The following STX1A variants were observed in gnomAD, a reference collection of about 807,000 sequenced individuals.
STX1A encodes syntaxin 1A, also known as syntaxin-1A.
In STX1A, 4 loss-of-function variants were observed where a neutral mutation model predicts 37.8. The observed-to-expected ratio is 0.11, with a 90% CI of 0.05 to 0.24. The LOEUF is 0.24. Ranked by LOEUF, STX1A falls within the 10% of genes least tolerant of loss-of-function variation. The pLI, the probability that STX1A is intolerant of heterozygous loss-of-function variation, is 1.00. For missense variants in STX1A, 251 were observed against 399.9 expected (o/e 0.63, Z 3.18); for synonymous variants, 135 against 147.4 (o/e 0.92, Z 0.61).
intron 1 of STX1A, among the ~76,000 whole-genome samples, chr7:73,718,962 C>CG (rs1491420537): frequency 1.2e-3 from 46 of 38,328 alleles, no homozygotes; most frequent in African/African-American, 4.9e-3. Flanking sequence ...GGGTGTGACG[C>CG]CCCCCCCCCC....
rs1799007455 is a variant in STX1A at position 73,709,329 on chromosome 7, T to G, written c.31-207A>C. On this transcript the variant is annotated intron_variant, in intron 1 of 9. Transcript: ENST00000222812. The surrounding 1 kb of genome is among the most constrained non-coding windows in gnomAD (Gnocchi z 4.2). ...GGGGCCCGGCACAGAGAGAGGAACCTTGCCTGATACACTGGTGTCAAGGCC... is the reference window on the plus strand; with the variant it reads ...GGGGCCCGGCACAGAGAGAGGAACCGTGCCTGATACACTGGTGTCAAGGCC... Among the ~76,000 whole-genome samples, 2 of 152,070 alleles carry G rather than the reference T, an allele frequency of 1.3e-5. No individual in the cohort carries two copies. The highest frequency in any genetic ancestry group is 4.1e-4 in the South Asian group (2 of 4,834).
rs376015107 is a variant in STX1A, at chr7:73,704,283, G to A, written c.358-27C>T. The A allele has an allele frequency of 1.6e-4, 254 of 1,613,902 alleles. 2 individuals carry two copies. In the African/African-American group the frequency reaches 2.6e-3, roughly 16 times the overall value. ...TGGGGGCCCGAGATGGAGGTGCAGG[G>A]GTCAGGCCCTGCGGGGACCGACCCA... On this transcript the variant is annotated intron_variant, in intron 5 of 9. Transcript: ENST00000222812.
rs1798760574 is a variant in STX1A, at chr7:73,703,852, G to GCA, written c.467-25_467-24insTG. The GCA allele has an allele frequency of 8.7e-6, 14 of 1,610,232 alleles. No homozygotes were observed. The Admixed American group carries it at 1.2e-4, about 13-fold the overall frequency. ...GGCTGCAAGCGAGTGGGGTCACACT[G>GCA]AGCCCAGCCCTCTTCGGGGAGTTCA... On this transcript the variant is annotated intron_variant, in intron 6 of 9. Coordinates refer to ENST00000222812, the MANE Select transcript of STX1A (RefSeq NM_004603.4).
intron 1 of STX1A, among the ~76,000 whole-genome samples, chr7:73,718,698 T>A (rs1799380048): frequency 6.6e-6 from 1 of 151,716 alleles, no homozygotes; most frequent in African/African-American, 2.4e-5. Context: ...GGGCTCCTCA[T>A]CCCTAAGGGC....
intron 2 of STX1A, 48 bp from the exon 3 acceptor site, chr7:73,708,736 C>G (rs577989207): frequency 6.3e-6 from 10 of 1,583,194 alleles, no homozygotes; most frequent in East Asian, 4.6e-5. Context: ...AGGGGAGAAG[C>G]CTTCTGGGGC....
At chr7:73,703,021 C>T in intron 7 of STX1A, 39 bp from the exon 8 acceptor site, 2 of 1,362,996 alleles carry the variant, frequency 1.5e-6, no homozygotes, top group East Asian at 2.9e-5. Flanking sequence ...CAGAGGCTTG[C>T]TGAGGGGCAG....
chr7:73,704,864 C>A, intron 4 of STX1A: 1 of 552,336 alleles, frequency 1.8e-6, no homozygotes. Context: ...CCAGGAAGTA[C>A]TGGCCACTTC....
intron 8 of STX1A, among the ~76,000 whole-genome samples, chr7:73,701,694 G>A (rs551146753): frequency 3.4e-4 from 52 of 152,206 alleles, no homozygotes; most frequent in African/African-American, 1.1e-3. Context: ...CTTCACTGGC[G>A]TCCACGTCAC....
chr7:73,708,298 A>T (rs1038211357), intron 3 of STX1A, among the ~76,000 whole-genome samples: 13 of 151,580 alleles, frequency 8.6e-5, no homozygotes, highest in African/African-American at 2.4e-4. Flanking sequence ...AAGAAAAAAA[A>T]GGCCAGTTCA....
At chr7:73,710,174 ACT>A (rs1799047196) in intron 1 of STX1A, among the ~76,000 whole-genome samples, 1 of 152,158 alleles carries the variant, frequency 6.6e-6, no homozygotes, top group African/African-American at 2.4e-5. Flanking sequence ...GCCCCACTCC[ACT>A]GTCCCAGGAC....
Position 73,705,387 on chromosome 7 carries a change from T to G in STX1A, c.209-163A>C. Reference sequence around the variant, plus strand: ...CTGCCTGCCCGCCCCCCTCCCCCAATTCTGGGCCAGGGCTGCACCAGCTGC... The same window carrying G: ...CTGCCTGCCCGCCCCCCTCCCCCAAGTCTGGGCCAGGGCTGCACCAGCTGC... On this transcript the variant is annotated intron_variant, in intron 3 of 9. Transcript: ENST00000222812. This position sits in a 1 kb window ranked among gnomAD's most constrained non-coding sequence, Gnocchi z 5.2. 2 of 615,698 alleles carry G rather than the reference T, an allele frequency of 3.2e-6. No homozygotes were observed. The highest frequency in any genetic ancestry group is 5.8e-6 in the Non-Finnish European group (2 of 347,152). The allele number at this position is 615,698 out of a possible 1,614,324, so 38.1% of individuals were successfully genotyped here.
rs1584250601 is a variant in STX1A, at chr7:73,708,981, G to A, written c.108+64C>T. The A allele has an allele frequency of 2.5e-6, 4 of 1,576,268 alleles. No homozygotes were observed. The East Asian group carries it at 9.0e-5, about 35-fold the overall frequency. Reference sequence around the variant, plus strand: ...GTGAAAGAGCACTGAACCTGGCTCAGAGGCGAGAGTGGCCCCCCAAGTTCT... The same window carrying A: ...GTGAAAGAGCACTGAACCTGGCTCAAAGGCGAGAGTGGCCCCCCAAGTTCT... On this transcript the variant is annotated intron_variant, in intron 2 of 9. Coordinates refer to ENST00000222812, the MANE Select transcript of STX1A (RefSeq NM_004603.4).
At position 73,702,629 on chromosome 7, in the gene STX1A, G is replaced by A. The variant is rs1251039777; in HGVS notation, c.678+216C>T. ...GGGGTATAGAGGGTGGGGCCATGCA[G>A]GGCCTGGGGTCCTTGAAGCTCAAGC... On this transcript the variant is annotated intron_variant, in intron 8 of 9. Transcript: ENST00000222812. The surrounding 1 kb of genome is among the most constrained non-coding windows in gnomAD (Gnocchi z 4.7). 3 of 1,405,846 alleles carry A rather than the reference G, an allele frequency of 2.1e-6. No individual in the cohort carries two copies. The African/African-American group carries it at 4.3e-5, about 20-fold the overall frequency. The allele number at this position is 1,405,846 out of a possible 1,614,324, so 87.1% of individuals were successfully genotyped here.
Position 73,708,734 on chromosome 7 carries a change from A to C in STX1A, c.109-46T>G, listed in dbSNP as rs1554617478. 3 of 1,587,700 alleles carry C rather than the reference A, an allele frequency of 1.9e-6. No individual in the cohort carries two copies. In the East Asian group the frequency reaches 6.8e-5, roughly 36 times the overall value. On this transcript the variant is annotated intron_variant, in intron 2 of 9. Coordinates refer to ENST00000222812, the MANE Select transcript of STX1A (RefSeq NM_004603.4). ...GTCAGGAGAAGGAAATCAGGGGAGAAGCCTTCTGGGGCCCAGAGATGGCCC... is the reference window on the plus strand; with the variant it reads ...GTCAGGAGAAGGAAATCAGGGGAGACGCCTTCTGGGGCCCAGAGATGGCCC...
rs1554616478 is a variant in STX1A at position 73,704,355 on chromosome 7, T to A, written c.352A>T (p.Thr118Ser). ...RSSADLRIRK[T>S]QHSTLSRKFV... ...CCTAGACTCCGTGGCCGCACCTGTG[T>A]CTTCCGGATCCTCAGGTCAGCGGAG... Residue 118 changes from threonine to serine, a missense_variant, in exon 5 of 10, where the codon ACA becomes TCA. Transcript: ENST00000222812. 1.2e-6 allele frequency: 2 copies of A among 1,614,160 alleles called. No individual in the cohort carries two copies. Among genetic ancestry groups the A allele is most frequent in the Non-Finnish European group, 1.7e-6 (2 of 1,180,022 alleles).
At position 73,705,140 on chromosome 7, in the gene STX1A, C is replaced by T; in HGVS notation, c.283+10G>A. 6.2e-7 allele frequency: 1 copy of T among 1,613,716 alleles called. No individual in the cohort carries two copies. The highest frequency in any genetic ancestry group is 8.5e-7 in the Non-Finnish European group (1 of 1,179,724). ...TGCCCCCCACCCACCCCCAGACAAG[C>T]CTGACTCACTCTTTAACTTGGAACG... On this transcript the variant is annotated intron_variant, in intron 4 of 9. Transcript: ENST00000222812. The surrounding 1 kb of genome is among the most constrained non-coding windows in gnomAD (Gnocchi z 5.2).
At position 73,709,231 on chromosome 7, in the gene STX1A, G is replaced by A; in HGVS notation, c.31-109C>T. ...GCCCTGCCCCTCCCCCTCTCCCTGG[G>A]GGCCTCTGGGCAGGGACAAGAACAG... On this transcript the variant is annotated intron_variant, in intron 1 of 9. Transcript: ENST00000222812. The surrounding 1 kb of genome is among the most constrained non-coding windows in gnomAD (Gnocchi z 4.2). The A allele has an allele frequency of 1.8e-6, 2 of 1,113,286 alleles. No homozygotes were observed. Among genetic ancestry groups the A allele is most frequent in the Non-Finnish European group, 2.6e-6 (2 of 757,686 alleles). 69.0% of individuals were successfully genotyped at this position (1,113,286 alleles called of 1,614,324 possible).
At position 73,702,815 on chromosome 7, in the gene STX1A, G is replaced by C. The variant is rs1798710232; in HGVS notation, c.678+30C>G. Reference sequence around the variant, plus strand: ...CAGCCCTGGGTGCTGGTGTGGGCTGGAGTGGAGGGCAGGGGGGCCCGGCAC... The same window carrying C: ...CAGCCCTGGGTGCTGGTGTGGGCTGCAGTGGAGGGCAGGGGGGCCCGGCAC... On this transcript the variant is annotated intron_variant, in intron 8 of 9. Transcript: ENST00000222812. The surrounding 1 kb of genome is among the most constrained non-coding windows in gnomAD (Gnocchi z 4.7). 1.2e-6 allele frequency: 2 copies of C among 1,613,718 alleles called. No individual in the cohort carries two copies. The highest frequency in any genetic ancestry group is 1.7e-6 in the Non-Finnish European group (2 of 1,179,954).
Position 73,700,634 on chromosome 7 carries a change from GAGA to G in STX1A, c.789+93_789+95del, listed in dbSNP as rs2116723664. ...GGGGGCTGTCATGGGGAGCTCCTGA[GAGA>G]AGGGAGAGAGGTGGGATGGGGAGGG... On this transcript the variant is annotated intron_variant, in intron 9 of 9. Transcript: ENST00000222812. This position sits in a 1 kb window ranked among gnomAD's most constrained non-coding sequence, Gnocchi z 4.4. The G allele has an allele frequency of 6.5e-7, 1 of 1,541,898 alleles. No homozygotes were observed. The highest frequency in any genetic ancestry group is 2.3e-5 in the East Asian group (1 of 43,284).
Sources: allele counts gnomAD v4.1 joint callset (sites outside exome capture counted in the v4.1 genomes callset), GRCh38; gene constraint gnomAD v4.1.1; non-coding constraint Gnocchi (gnomAD v3.1); transcripts MANE v1.5; gene names NCBI Gene and HGNC (gene_info 2026-07-23, HGNC 2026-07-21).